Variants in ARID4A observed in about 807,000 individuals in gnomAD.
ARID4A encodes AT-rich interactive domain-containing protein 4A.
A neutral mutation model predicts 148.6 loss-of-function variants in ARID4A; 39 were observed. The observed-to-expected ratio is 0.26, with a 90% confidence interval of 0.20 to 0.34. The LOEUF (loss-of-function observed/expected upper bound fraction) is 0.34, where lower values mean the gene tolerates loss of function less well. ARID4A is among the 10% of genes least tolerant of loss of function. The probability of loss-of-function intolerance (pLI) is 1.00; values close to 1 mark genes in which losing one functional copy is unlikely to be tolerated. For missense variants in ARID4A, 1,265 were observed against 1,449.1 expected, an observed-to-expected ratio of 0.87 and a Z score of 2.06; for synonymous variants, 475 against 481.2, an observed-to-expected ratio of 0.99 and a Z score of 0.17.
intron 23 of ARID4A, among the ~76,000 whole-genome samples, chr14:58,368,245 C>A (rs1005313089): frequency 6.6e-6 from 1 of 152,154 alleles, no homozygotes; most frequent in African/African-American, 2.4e-5. Context: ...AACTCAAGGC[C>A]TAATCCTCTT....
At chr14:58,362,781 C>T (rs967262918) in intron 19 of ARID4A, among the ~76,000 whole-genome samples, 24 of 152,072 alleles carry the variant, frequency 1.6e-4, no homozygotes, top group African/African-American at 5.3e-4. Context: ...TGGTCTCGCA[C>T]TCTTGACCTC....
At chr14:58,354,025 A>G (rs569979836) in intron 17 of ARID4A, among the ~76,000 whole-genome samples, 170 bp downstream of exon 17, 6 of 152,294 alleles carry the variant, frequency 3.9e-5, no homozygotes, top group South Asian at 2.1e-4. Context: ...AGCAGTGTCA[A>G]TGCTTCTAGC....
rs745898378 is a variant in ARID4A at position 58,366,194 on chromosome 14, T to G, written c.3487T>G (p.Ser1163Ala). Residue 1163 changes from serine to alanine, a missense_variant, in exon 22 of 24, where the codon TCA (serine) becomes GCA (alanine). Ser to Ala is a moderately conservative substitution (Grantham distance 99). Around this residue, in one of 9 missense-constraint regions of ARID4A, gnomAD observed 666 missense variants for 730.9 expected, o/e 0.91. Transcript: ENST00000355431. ...TAAACACAGAGAAAAACATCCGAAT[T>G]CATCCCCTAGGACATATAAATGGAG... ...KDKHREKHPN[S>A]SPRTYKWSFQ... The G allele has an allele frequency of 1.2e-6, 2 of 1,613,900 alleles. No individual in the cohort carries two copies. The highest frequency in any genetic ancestry group is 4.5e-5 in the East Asian group (2 of 44,834).
chr14:58,340,396 C>G (rs2034056276), intron 11 of ARID4A, among the ~76,000 whole-genome samples: 1 of 152,152 alleles, frequency 6.6e-6, no homozygotes, highest in Non-Finnish European at 1.5e-5. Flanking sequence ...GTTGCCCAGG[C>G]TGGAGTGCAG....
rs1297177488 is a variant in ARID4A, at chr14:58,347,920, T to G, written c.1404+42T>G. 7 of 1,382,500 alleles carry G rather than the reference T, an allele frequency of 5.1e-6. No homozygotes were observed. In the Middle Eastern group the frequency reaches 7.3e-4, roughly 144 times the overall value. The allele number at this position is 1,382,500 out of a possible 1,614,324, so 85.6% of individuals were successfully genotyped here. On this transcript the variant is annotated intron_variant, in intron 15 of 23. Coordinates refer to ENST00000355431, the MANE Select transcript of ARID4A (RefSeq NM_002892.4). ...AGTTTTATCTGGTTTAAGTATTATT[T>G]AAAATTTTTTATTATAGCCATTTTC...
rs767693271 is a variant in ARID4A at position 58,371,875 on chromosome 14, T to G, written c.3671-11T>G. On this transcript the variant is annotated splice_polypyrimidine_tract_variant and intron_variant, in intron 23 of 23. Coordinates refer to ENST00000355431, the MANE Select transcript of ARID4A (RefSeq NM_002892.4). The stretch of plus-strand genomic sequence containing the variant: ...GTTTTTGGATCTAACATAGTTGTTT[T>G]GATTCCACAGTGTCTCATGCGGGAG... 2.5e-6 allele frequency: 4 copies of G among 1,605,586 alleles called. No homozygotes were observed. The highest frequency in any genetic ancestry group is 3.4e-6 in the Non-Finnish European group (4 of 1,172,494).
intron 22 of ARID4A, 65 bp downstream of exon 22, chr14:58,366,295 A>G: frequency 1.6e-6 from 2 of 1,239,116 alleles, no homozygotes; most frequent in East Asian, 2.3e-5. Flanking sequence ...TAAAATATCA[A>G]CTTGGATTAA....
rs750306635 is a variant in ARID4A, at chr14:58,323,500, GGAA to G, written c.472_474del (p.Glu158del). 2.0e-5 allele frequency: 33 copies of G among 1,612,294 alleles called. No individual in the cohort carries two copies. The South Asian group carries it at 3.5e-4, about 17-fold the overall frequency. Reference sequence around the variant, plus strand: ...TAACTTTTAGTACTGAAGATGAAAAGGAAGAAGAAAGCAGTGAAGAGGAAGATG... The same window carrying G: ...TAACTTTTAGTACTGAAGATGAAAAGGAAGAAAGCAGTGAAGAGGAAGATG... On this transcript the variant is annotated inframe_deletion, in exon 8 of 24. Transcript: ENST00000355431.
At chr14:58,329,877 T>TA in intron 10 of ARID4A, 126 bp from the exon 11 acceptor site, 1 of 1,419,528 alleles carries the variant, frequency 7.0e-7, no homozygotes. Context: ...TGTTAAAGCT[T>TA]ACTGTATCAT....
rs373387780 is a variant in ARID4A at position 58,299,852 on chromosome 14, A to C, written c.-3A>C. ...GCTGGAACCCCACAGATCACCAACA[A>C]AAATGAAGGTAAGTGGAGTCAACTC... is the stretch of plus-strand genomic sequence containing the variant. On this transcript the variant is annotated 5_prime_UTR_variant, in exon 2 of 24. Transcript: ENST00000355431. 2 of 1,614,224 alleles carry C rather than the reference A, an allele frequency of 1.2e-6. No individual in the cohort carries two copies. The highest frequency in any genetic ancestry group is 1.1e-5 in the South Asian group (1 of 91,086).
intron 23 of ARID4A, among the ~76,000 whole-genome samples, chr14:58,370,841 T>A (rs1376660265): frequency 6.6e-6 from 1 of 152,124 alleles, no homozygotes; most frequent in Non-Finnish European, 1.5e-5. Flanking sequence ...GAACCCCTGT[T>A]CTAAAGCAAT....
At chr14:58,329,319 G>C (rs929668869) in intron 9 of ARID4A, among the ~76,000 whole-genome samples, 16 of 152,272 alleles carry the variant, frequency 1.1e-4, no homozygotes, top group Admixed American at 7.8e-4. Flanking sequence ...GGCTCTCAAT[G>C]TACTTTGAGT....
At chr14:58,309,326 T>C (rs1309397966) in intron 5 of ARID4A, among the ~76,000 whole-genome samples, 1 of 152,210 alleles carries the variant, frequency 6.6e-6, no homozygotes, top group Non-Finnish European at 1.5e-5. Flanking sequence ...CAAGGGGATT[T>C]TTTTGTTTCT....
chr14:58,347,701 T>G lies in ARID4A; in HGVS notation c.1227T>G (p.Thr409=), dbSNP rs770446772. 1 of 1,613,928 alleles carries G rather than the reference T, an allele frequency of 6.2e-7. No homozygotes were observed. Among genetic ancestry groups the G allele is most frequent in the Non-Finnish European group, 8.5e-7 (1 of 1,179,906 alleles). ...GTTCGGCAAATATTCAGTTCAGAACTGTTCATCACCATGAACCAAAAGTAA... is the reference window on the plus strand; with the variant it reads ...GTTCGGCAAATATTCAGTTCAGAACGGTTCATCACCATGAACCAAAAGTAA... ...YCRSANIQFR[T]VHHHEPKVKE... is the part of the protein sequence containing the mutation. The change falls in exon 15 of 24, where the codon ACT becomes ACG. Residue 409 remains threonine (T), a synonymous_variant. Transcript: ENST00000355431.
At chr14:58,362,703 G>T (rs1196284864) in intron 19 of ARID4A, among the ~76,000 whole-genome samples, 1 of 151,826 alleles carries the variant, frequency 6.6e-6, no homozygotes. Context: ...GACCACAGGT[G>T]TGCACCACCA....
At chr14:58,316,876 G>A (rs1264266657) in intron 5 of ARID4A, among the ~76,000 whole-genome samples, 2 of 149,552 alleles carry the variant, frequency 1.3e-5, no homozygotes, top group Non-Finnish European at 3.0e-5. Flanking sequence ...CACCGCGCCC[G>A]GCCAAGTAGT....
intron 10 of ARID4A, 143 bp from the exon 11 acceptor site, chr14:58,329,860 T>C (rs570446416): frequency 1.6e-5 from 22 of 1,334,212 alleles, no homozygotes; most frequent in African/African-American, 7.4e-5. Context: ...TTATAACTTA[T>C]GAAATATGTT....
chr14:58,305,251 A>T (rs1450232139), intron 4 of ARID4A, among the ~76,000 whole-genome samples: 1 of 152,034 alleles, frequency 6.6e-6, no homozygotes, highest in Non-Finnish European at 1.5e-5. Context: ...TTTTTCACCT[A>T]CCTTTCTGTT....
intron 11 of ARID4A, among the ~76,000 whole-genome samples, chr14:58,344,460 T>G (rs2034260272): frequency 6.6e-6 from 1 of 152,212 alleles, no homozygotes; most frequent in African/African-American, 2.4e-5. Flanking sequence ...TGGCTAATCT[T>G]AGTCCTTACA....
Sources: gnomAD v4.1 joint callset for allele counts (sites outside exome capture counted in the v4.1 genomes callset) on GRCh38, gnomAD v4.1.1 for gene constraint, gnomAD v4.1.1 regional missense constraint, MANE v1.5 for transcripts, NCBI Gene and HGNC (gene_info 2026-07-23, HGNC 2026-07-21) for gene names.